SGMS1: variants seen among roughly 807,000 people sequenced by gnomAD.
SGMS1 encodes the protein phosphatidylcholine:ceramide cholinephosphotransferase 1.
Under a neutral mutation model 46.2 loss-of-function variants are expected in SGMS1, and 13 were observed. The observed-to-expected ratio is 0.28, with a 90% CI of 0.18 to 0.45. The LOEUF (loss-of-function observed/expected upper bound fraction) is 0.45, where lower values mean the gene tolerates loss of function less well. Ranked by LOEUF, SGMS1 falls within the 20% of genes least tolerant of loss-of-function variation. SGMS1 has a pLI of 1.00. For synonymous variants in SGMS1, 203 were observed against 187.8 expected (o/e 1.08, Z -0.66); for missense variants, 324 against 519.9 (o/e 0.62, Z 3.66).
At chr10:50,308,176 C>T in intron 9 of SGMS1, 28 bp from the exon 10 acceptor site, 1 of 1,601,916 alleles carries the variant, frequency 6.2e-7, no homozygotes, top group Non-Finnish European at 8.5e-7. Context: ...TTGCAATAGT[C>T]CCATTATTCA....
In SGMS1 at chr10:50,327,208, C is replaced by A. The variant is rs759281143; in HGVS notation, c.738G>T (p.Pro246=). 2 of 1,543,436 alleles carry A rather than the reference C, an allele frequency of 1.3e-6. No homozygotes were observed. Among genetic ancestry groups the A allele is most frequent in the South Asian group, 2.3e-5 (2 of 86,392 alleles). ...PVPGMHFNCS[P]KLFGDWEAQL... is the part of the protein sequence containing the mutation. ...ATTACAGCGAGGAATAGTTTACCTT[C>A]GGAGAACAGTTGAAATGCATACCAG... The change falls in exon 8 of 11, where the codon CCG becomes CCT. Residue 246 remains proline, a synonymous_variant. Coordinates refer to ENST00000361781, the MANE Select transcript of SGMS1 (RefSeq NM_147156.4).
chr10:50,342,875 G>A (rs1253039169), intron 7 of SGMS1: 2 of 152,180 alleles, frequency 1.3e-5, no homozygotes, highest in Non-Finnish European at 2.9e-5. Context: ...TTAAAACTCT[G>A]AGAAATTTGA....
chr10:50,389,372 AT>A (rs1468591320), intron 6 of SGMS1, among the ~76,000 whole-genome samples: 5 of 152,232 alleles, frequency 3.3e-5, no homozygotes, highest in Admixed American at 1.3e-4. Context: ...TATATGCTGT[AT>A]TTAGCAAGTT....
chr10:50,607,759 A>ATC (rs1838710811), intron 1 of SGMS1, among the ~76,000 whole-genome samples: 3 of 152,246 alleles, frequency 2.0e-5, no homozygotes, highest in African/African-American at 7.2e-5. Context: ...GAAATACTAA[A>ATC]ATGAAACCAC....
At chr10:50,426,069 T>C (rs1431815437) in intron 6 of SGMS1, among the ~76,000 whole-genome samples, 1 of 152,224 alleles carries the variant, frequency 6.6e-6, no homozygotes, top group Non-Finnish European at 1.5e-5. Context: ...GTGGTATGTA[T>C]TAAAAATTAC....
chr10:50,524,822 G>A (rs1021533783), intron 2 of SGMS1, among the ~76,000 whole-genome samples: 1 of 152,094 alleles, frequency 6.6e-6, no homozygotes, highest in African/African-American at 2.4e-5. Flanking sequence ...CAGGCAAAAG[G>A]CCCAGAATGT....
At chr10:50,341,474 G>A (rs760371637) in intron 7 of SGMS1, 4 of 455,618 alleles carry the variant, frequency 8.8e-6, no homozygotes, top group South Asian at 3.1e-5. Context: ...GACTTAGTTG[G>A]ATGCATTCTG....
At chr10:50,511,959 T>C (rs1837759805) in intron 3 of SGMS1, among the ~76,000 whole-genome samples, 1 of 152,208 alleles carries the variant, frequency 6.6e-6, no homozygotes, top group Non-Finnish European at 1.5e-5. Context: ...CCGTATCTCC[T>C]GGCATCTGTA....
At chr10:50,528,657 G>C (rs1837926091) in intron 2 of SGMS1, among the ~76,000 whole-genome samples, 1 of 152,170 alleles carries the variant, frequency 6.6e-6, no homozygotes, top group African/African-American at 2.4e-5. Flanking sequence ...CCAGCACTTT[G>C]GGAAGCCAAG....
rs184084765 is a variant in SGMS1, at chr10:50,458,812, A to C, written c.-313+1861T>G. Among the ~76,000 whole-genome samples the C allele has an allele frequency of 2.3e-3, 347 of 152,294 alleles. 2 individuals are homozygous for C. Among genetic ancestry groups the C allele is most frequent in the South Asian group, 5.4e-3 (26 of 4,830 alleles). On this transcript the variant is annotated intron_variant, in intron 5 of 10. Transcript: ENST00000361781. The stretch of plus-strand genomic sequence containing the variant: ...AGTATGTACATCTACTAATTTAATG[A>C]GAACATTCTAGAAGCCTAAATATAT...
chr10:50,434,942 G>A (rs1222679916), intron 5 of SGMS1, among the ~76,000 whole-genome samples: 1 of 149,634 alleles, frequency 6.7e-6, no homozygotes, highest in African/African-American at 2.5e-5. Context: ...TAAATATAGA[G>A]ATCTTCTCTA....
intron 3 of SGMS1, among the ~76,000 whole-genome samples, chr10:50,504,799 C>A (rs937918202): frequency 6.6e-6 from 1 of 152,088 alleles, no homozygotes; most frequent in African/African-American, 2.4e-5. Flanking sequence ...TATACAGAGA[C>A]CCAAAGATCC....
At chr10:50,399,196 G>C (rs1385050495) in intron 6 of SGMS1, among the ~76,000 whole-genome samples, 1 of 152,082 alleles carries the variant, frequency 6.6e-6, no homozygotes, top group Non-Finnish European at 1.5e-5. Flanking sequence ...TGATCATTTG[G>C]ACTTAGCATT....
intron 5 of SGMS1, among the ~76,000 whole-genome samples, chr10:50,456,059 A>C (rs1000586443): frequency 6.6e-6 from 1 of 152,188 alleles, no homozygotes; most frequent in Non-Finnish European, 1.5e-5. Context: ...GTGTCACTGC[A>C]GGAGAATTAC....
intron 6 of SGMS1, among the ~76,000 whole-genome samples, chr10:50,406,683 T>C (rs964723487): frequency 6.7e-6 from 1 of 148,798 alleles, no homozygotes; most frequent in Non-Finnish European, 1.5e-5. Flanking sequence ...ATTGCTCCAA[T>C]CCTTTGTTAT....
intron 1 of SGMS1, among the ~76,000 whole-genome samples, chr10:50,597,810 C>T (rs1477346290): frequency 2.0e-5 from 3 of 151,900 alleles, no homozygotes; most frequent in Non-Finnish European, 2.9e-5. Context: ...GTTGGGAGTT[C>T]GAGACCAGCC....
chr10:50,515,532 G>A (rs1168028771), intron 3 of SGMS1, among the ~76,000 whole-genome samples: 1 of 152,230 alleles, frequency 6.6e-6, no homozygotes, highest in African/African-American at 2.4e-5. Context: ...CAGGACAACA[G>A]AACTGGAGCA....
intron 6 of SGMS1, among the ~76,000 whole-genome samples, chr10:50,347,638 G>C (rs977915738): frequency 6.6e-6 from 1 of 152,136 alleles, no homozygotes; most frequent in Non-Finnish European, 1.5e-5. Flanking sequence ...GAACTCTAAA[G>C]AAATATTCTC....
At position 50,307,563 on chromosome 10, in the gene SGMS1, T is replaced by G. The variant is rs560761659; in HGVS notation, c.1063-242A>C. 2.6e-5 allele frequency among the ~76,000 whole-genome samples: 4 copies of G among 152,306 alleles called. No individual in the cohort carries two copies. In the South Asian group the frequency reaches 8.3e-4, roughly 32 times the overall value. ...GAGAACTTATGGCTCACTCATCTCT[T>G]GCTTATAAATAAACACCTCAGTTAG... On this transcript the variant is annotated intron_variant, in intron 10 of 10. Coordinates refer to ENST00000361781, the MANE Select transcript of SGMS1 (RefSeq NM_147156.4). The surrounding 1 kb of genome is among the most constrained non-coding windows in gnomAD (Gnocchi z 4.2).
Sources: allele counts gnomAD v4.1 joint callset (sites outside exome capture counted in the v4.1 genomes callset), GRCh38; gene constraint gnomAD v4.1.1; non-coding constraint Gnocchi (gnomAD v3.1); transcripts MANE v1.5; gene names NCBI Gene and HGNC (gene_info 2026-07-23, HGNC 2026-07-21).